The following CHST1 variants were observed in gnomAD, a reference collection of about 807,000 sequenced individuals.
CHST1 encodes carbohydrate sulfotransferase 1, also known as Keratan sulfotransferase.
CHST1 carries 10 observed loss-of-function variants against 22.5 expected under a neutral mutation model. The observed-to-expected ratio is 0.44, with a 90% CI of 0.27 to 0.75. CHST1 has a LOEUF of 0.75. CHST1 is among the 30% of genes least tolerant of loss of function. The pLI, the probability that CHST1 is intolerant of heterozygous loss-of-function variation, is 0.15. For synonymous variants in CHST1, 267 were observed against 264.5 expected, an observed-to-expected ratio of 1.01 and a Z score of -0.09; for missense variants, 439 against 576.1, an observed-to-expected ratio of 0.76 and a Z score of 2.44.
intron 1 of CHST1, among the ~76,000 whole-genome samples, chr11:45,661,386 T>C (rs1852131264): frequency 6.6e-6 from 1 of 152,212 alleles, no homozygotes; most frequent in South Asian, 2.1e-4. Context: ...TTAATGAAAT[T>C]TGCAGAGGAT....
Position 45,649,859 on chromosome 11 carries a change from G to C in CHST1, c.1065C>G (p.Ala355=). ...HKYGTVRNSA[A]TAEKWRFRLS... is the part of the protein sequence containing the mutation. Reference sequence around the variant, plus strand: ...GGCGGAAGCGCCACTTCTCGGCCGTGGCCGCCGAGTTTCGCACGGTGCCGT... The same window carrying C: ...GGCGGAAGCGCCACTTCTCGGCCGTCGCCGCCGAGTTTCGCACGGTGCCGT... The change falls in exon 4 of 4, where the codon GCC becomes GCG. Residue 355 remains alanine (A), a synonymous_variant. Coordinates refer to ENST00000308064, the MANE Select transcript of CHST1 (RefSeq NM_003654.6). 6.2e-7 allele frequency: 1 copy of C among 1,611,144 alleles called. No homozygotes were observed. Among genetic ancestry groups the C allele is most frequent in the Non-Finnish European group, 8.5e-7 (1 of 1,179,962 alleles).
chr11:45,648,598 G>C lies in CHST1; in HGVS notation c.*1090C>G, dbSNP rs980130686. Among the ~76,000 whole-genome samples the C allele has an allele frequency of 1.3e-5, 2 of 152,134 alleles. No homozygotes were observed. Among genetic ancestry groups the C allele is most frequent in the Admixed American group, 1.3e-4 (2 of 15,276 alleles). On this transcript the variant is annotated 3_prime_UTR_variant, in exon 4 of 4. Transcript: ENST00000308064. ...CCCAGTCACTCGGGAGGCTGAGGCG[G>C]GAGAACTGCTTGAACCTGGGAGGCA...
intron 1 of CHST1, among the ~76,000 whole-genome samples, chr11:45,656,610 T>G (rs370111747): frequency 6.6e-6 from 1 of 152,222 alleles, no homozygotes; most frequent in East Asian, 1.9e-4. Context: ...AGTTTGAGTT[T>G]ATTAATTTTG....
chr11:45,663,620 C>T (rs1468269406), intron 1 of CHST1, among the ~76,000 whole-genome samples: 1 of 152,102 alleles, frequency 6.6e-6, no homozygotes, highest in African/African-American at 2.4e-5. Context: ...GAAGACCCAG[C>T]AGAGTTTGGG....
At chr11:45,662,860 G>A (rs1162002800) in intron 1 of CHST1, among the ~76,000 whole-genome samples, 1 of 152,154 alleles carries the variant, frequency 6.6e-6, no homozygotes, top group Admixed American at 6.5e-5. Context: ...CCCAGTGGGT[G>A]GGGAGAGACA....
chr11:45,651,437 C>G (rs556947225), intron 3 of CHST1: 1 of 152,988 alleles, frequency 6.5e-6, no homozygotes, highest in African/African-American at 2.4e-5. Context: ...TCAGATGCCT[C>G]CATCTGACCC....
intron 1 of CHST1, among the ~76,000 whole-genome samples, chr11:45,660,294 G>C (rs1328546542): frequency 6.6e-6 from 1 of 152,200 alleles, no homozygotes; most frequent in Non-Finnish European, 1.5e-5. Flanking sequence ...ATTTCAGGCT[G>C]TGGGGGTTGT....
chr11:45,648,902 A>C lies in CHST1; in HGVS notation c.*786T>G, dbSNP rs1441342883. 1 of 152,628 alleles carries C rather than the reference A, an allele frequency of 6.6e-6. No homozygotes were observed. Among genetic ancestry groups the C allele is most frequent in the African/African-American group, 2.4e-5 (1 of 41,460 alleles). 9.5% of individuals were successfully genotyped at this position (152,628 alleles called of 1,614,324 possible). A position where few individuals can be genotyped will look rare whatever the true frequency, so the allele number is the denominator to read the frequency against. ...GATTATTGCACTCTTTTATTTACAGAAAACACAGATAAAGCATTTCAATTT... is the reference window on the plus strand; with the variant it reads ...GATTATTGCACTCTTTTATTTACAGCAAACACAGATAAAGCATTTCAATTT... On this transcript the variant is annotated 3_prime_UTR_variant, in exon 4 of 4. Coordinates refer to ENST00000308064, the MANE Select transcript of CHST1 (RefSeq NM_003654.6).
In CHST1 at chr11:45,665,228, C is replaced by G. The variant is rs1373239011; in HGVS notation, c.-277G>C. 1 of 151,910 alleles carries G rather than the reference C, an allele frequency of 6.6e-6. No homozygotes were observed. Among genetic ancestry groups the G allele is most frequent in the Non-Finnish European group, 1.5e-5 (1 of 67,966 alleles). 9.4% of individuals were successfully genotyped at this position (151,910 alleles called of 1,614,324 possible). On this transcript the variant is annotated 5_prime_UTR_variant, in exon 1 of 4. Transcript: ENST00000308064. The surrounding 1 kb of genome is among the most constrained non-coding windows in gnomAD (Gnocchi z 4.0). ...CTGCAGCGCCCAGCGCCGGCTCCAT[C>G]CTCGGGTCTGGAGTCAGGGTCGCCG... is the stretch of plus-strand genomic sequence containing the variant.
chr11:45,653,135 C>T (rs763911678), intron 1 of CHST1, among the ~76,000 whole-genome samples: 13 of 152,148 alleles, frequency 8.5e-5, no homozygotes, highest in Admixed American at 1.3e-4. Context: ...CACTATTTGA[C>T]GTGACTCCTT....
At position 45,649,356 on chromosome 11, in the gene CHST1, T is replaced by G. The variant is rs1279921874; in HGVS notation, c.*332A>C. The G allele has an allele frequency of 1.5e-4, 49 of 318,708 alleles. No homozygotes were observed. The South Asian group carries it at 3.1e-3, about 20-fold the overall frequency. The allele number at this position is 318,708 out of a possible 1,614,324, so 19.7% of individuals were successfully genotyped here. A position where few individuals can be genotyped will look rare whatever the true frequency, so the allele number is the denominator to read the frequency against. ...CCATTCAAAAGCTTGAGAAGTCGCC[T>G]CGCGAGTGCCCGTGTGCGTGTGTGG... On this transcript the variant is annotated 3_prime_UTR_variant, in exon 4 of 4. Coordinates refer to ENST00000308064, the MANE Select transcript of CHST1 (RefSeq NM_003654.6).
intron 1 of CHST1, among the ~76,000 whole-genome samples, chr11:45,663,078 CAGA>C (rs1852154662): frequency 6.6e-6 from 1 of 152,180 alleles, no homozygotes; most frequent in Admixed American, 6.5e-5. Context: ...TTCTCTGAAC[CAGA>C]TTATGAATAT....
In CHST1 at chr11:45,665,027, C is replaced by T. The variant is rs1448920118; in HGVS notation, c.-227+151G>A. Reference sequence around the variant, plus strand: ...CCCCTTCCTGCGCCCAACACGCCGCCGTTCCTCGCCGCCGCCACCCCTCCG... The same window carrying T: ...CCCCTTCCTGCGCCCAACACGCCGCTGTTCCTCGCCGCCGCCACCCCTCCG... On this transcript the variant is annotated intron_variant, in intron 1 of 3. Coordinates refer to ENST00000308064, the MANE Select transcript of CHST1 (RefSeq NM_003654.6). This position sits in a 1 kb window ranked among gnomAD's most constrained non-coding sequence, Gnocchi z 4.0. Among the ~76,000 whole-genome samples, 1 of 152,058 alleles carries T rather than the reference C, an allele frequency of 6.6e-6. No individual in the cohort carries two copies. The highest frequency in any genetic ancestry group is 2.4e-5 in the African/African-American group (1 of 41,440).
chr11:45,652,103 G>C lies in CHST1; in HGVS notation c.-140-13C>G, dbSNP rs1382458873. 6.6e-6 allele frequency: 1 copy of C among 152,404 alleles called. No individual in the cohort carries two copies. The highest frequency in any genetic ancestry group is 1.5e-5 in the Non-Finnish European group (1 of 68,186). The allele number at this position is 152,404 out of a possible 1,614,324, so 9.4% of individuals were successfully genotyped here. On this transcript the variant is annotated splice_polypyrimidine_tract_variant and intron_variant, in intron 2 of 3. Transcript: ENST00000308064. ...TGTGGCCAGCAGACTGCAAAAGACA[G>C]GGAGGGGAAGGGCTCAGAAGGTGGA... is the stretch of plus-strand genomic sequence containing the variant.
rs12802857 is a variant in CHST1 at position 45,655,967 on chromosome 11, C to T, written c.-226-3361G>A. On this transcript the variant is annotated intron_variant, in intron 1 of 3. Coordinates refer to ENST00000308064, the MANE Select transcript of CHST1 (RefSeq NM_003654.6). ...GGAGTGGGAAAAACCCAGTCATCTT[C>T]CAGGAGGATTCTAGGGCTGGGCATT... 7.9e-3 allele frequency among the ~76,000 whole-genome samples: 1,208 copies of T among 152,350 alleles called. 11 individuals carry two copies. Among genetic ancestry groups the T allele is most frequent in the Middle Eastern group, 0.034 (10 of 294 alleles).
chr11:45,652,213 C>T (rs1852007453), intron 2 of CHST1, 123 bp from the exon 3 acceptor site: 1 of 152,636 alleles, frequency 6.6e-6, no homozygotes, highest in South Asian at 2.1e-4. Context: ...GCAATAAGGG[C>T]TCTGCCTGCT....
At chr11:45,658,945 G>C (rs1332313561) in intron 1 of CHST1, among the ~76,000 whole-genome samples, 1 of 152,234 alleles carries the variant, frequency 6.6e-6, no homozygotes, top group African/African-American at 2.4e-5. Flanking sequence ...GCCAGGCTGG[G>C]AGAGGGGCCC....
intron 3 of CHST1, 50 bp downstream of exon 3, chr11:45,651,943 G>A (rs45533136): frequency 0.015 from 2,300 of 152,542 alleles, 57 homozygotes; most frequent in African/African-American, 0.051. Context: ...AGACCTGAGT[G>A]GGGGCTGGGG....
intron 1 of CHST1, among the ~76,000 whole-genome samples, chr11:45,652,993 C>G (rs1056658262): frequency 6.6e-6 from 1 of 152,226 alleles, no homozygotes; most frequent in African/African-American, 2.4e-5. Flanking sequence ...ATCAGCATGA[C>G]GGGGACTGGG....
Sources: allele counts gnomAD v4.1 joint callset (sites outside exome capture counted in the v4.1 genomes callset), GRCh38; gene constraint gnomAD v4.1.1; non-coding constraint Gnocchi (gnomAD v3.1); transcripts MANE v1.5; gene names NCBI Gene and HGNC (gene_info 2026-07-23, HGNC 2026-07-21).